The following HEATR5B variants were observed in gnomAD, a reference collection of about 807,000 sequenced individuals.
The protein encoded by HEATR5B is HEAT repeat-containing protein 5B.
Under a neutral mutation model 224.1 loss-of-function variants are expected in HEATR5B, and 156 were observed. The ratio of observed to expected loss-of-function variants is 0.70; its 90% CI spans 0.61 to 0.80. The LOEUF (loss-of-function observed/expected upper bound fraction) is 0.80. HEATR5B is among the 30% of genes least tolerant of loss of function. The probability of loss-of-function intolerance (pLI) is 0.00; values close to 1 mark genes in which losing one functional copy is unlikely to be tolerated. For missense variants in HEATR5B, 2,323 were observed against 2,535.5 expected, an observed-to-expected ratio of 0.92 and a Z score of 1.80; for synonymous variants, 1,027 against 893.0, an observed-to-expected ratio of 1.15 and a Z score of -2.68.
chr2:37,020,078 T>C (rs1668374741), intron 25 of HEATR5B, among the ~76,000 whole-genome samples: 1 of 152,092 alleles, frequency 6.6e-6, no homozygotes, highest in African/African-American at 2.4e-5. Flanking sequence ...CTAATTTTTG[T>C]ATTTTTAGTA....
In HEATR5B at chr2:36,988,859, C is replaced by T; in HGVS notation, c.5698G>A (p.Val1900Ile). ...AGAAGCTGGTAACATTTGGCTTGAA[C>T]CTATATAAGAAGAACATATTATCAA... ...KNALNSCDPW[V>I]QAKCYQLLLS... Residue 1900 changes from valine to isoleucine, a missense_variant and splice_region_variant, in exon 35 of 36, where the codon GTT (valine) becomes ATT (isoleucine). Physicochemically the swap from Val to Ile is conservative, Grantham distance 29. Around this residue, in one of 12 missense-constraint regions of HEATR5B, gnomAD observed 844 missense variants for 812.9 expected, o/e 1.04. Transcript: ENST00000233099. 4.3e-6 allele frequency: 7 copies of T among 1,610,802 alleles called. No homozygotes were observed. The highest frequency in any genetic ancestry group is 5.9e-6 in the Non-Finnish European group (7 of 1,177,086).
chr2:37,002,245 G>C (rs1007183478), intron 32 of HEATR5B, 61 bp downstream of exon 32: 12 of 1,564,514 alleles, frequency 7.7e-6, no homozygotes, highest in Non-Finnish European at 8.8e-6. Context: ...TAAAATCAAA[G>C]GCAAGCTCAT....
At chr2:37,007,656 T>C (rs1667518920) in intron 28 of HEATR5B, among the ~76,000 whole-genome samples, 1 of 152,164 alleles carries the variant, frequency 6.6e-6, no homozygotes, top group Non-Finnish European at 1.5e-5. Context: ...ATTATACATG[T>C]TCGCTCATTT....
chr2:37,076,685 T>C (rs967754864), intron 4 of HEATR5B, among the ~76,000 whole-genome samples: 1 of 146,386 alleles, frequency 6.8e-6, no homozygotes, highest in African/African-American at 2.5e-5. Flanking sequence ...AAAAGTACCA[T>C]AGGACTAAAT....
intron 1 of HEATR5B, 65 bp from the exon 2 acceptor site, chr2:37,083,501 G>A: frequency 8.4e-7 from 1 of 1,191,048 alleles, no homozygotes; most frequent in Non-Finnish European, 1.2e-6. Flanking sequence ...AAGCTTAATG[G>A]AATATACTCA....
rs1488463532 is a variant in HEATR5B at position 37,057,326 on chromosome 2, A to T, written c.2214T>A (p.Ile738=). 1 of 1,601,390 alleles carries T rather than the reference A, an allele frequency of 6.2e-7. No individual in the cohort carries two copies. Among genetic ancestry groups the T allele is most frequent in the Non-Finnish European group, 8.5e-7 (1 of 1,175,702 alleles). The change falls in exon 15 of 36, where the codon ATT becomes ATA. Residue 738 remains isoleucine (I), a synonymous_variant. Transcript: ENST00000233099. ...SWLQETDHKS[I]EDQLQPNSAS... ...CCTCTATGTTTATTACCTGGTCTTC[A>T]ATTGATTTATGATCAGTTTCCTGAA...
intron 30 of HEATR5B, among the ~76,000 whole-genome samples, chr2:37,004,406 T>C (rs1667282264): frequency 6.6e-6 from 1 of 151,214 alleles, no homozygotes; most frequent in Non-Finnish European, 1.5e-5. Flanking sequence ...CTTGTCAGTA[T>C]AATGACAATG....
chr2:37,054,190 CTGT>C lies in HEATR5B; in HGVS notation c.2400-586_2400-584del, dbSNP rs1436020717. Reference sequence around the variant, plus strand: ...TCCATGGCCATCTTAGATGATTTCTCTGTTTTTTTTTTTTTTTTTTTGAGATGG... The same window carrying C: ...TCCATGGCCATCTTAGATGATTTCTCTTTTTTTTTTTTTTTTTTGAGATGG... On this transcript the variant is annotated intron_variant, in intron 16 of 35. Coordinates refer to ENST00000233099, the MANE Select transcript of HEATR5B (RefSeq NM_019024.3). 2.5e-3 allele frequency among the ~76,000 whole-genome samples: 231 copies of C among 93,700 alleles called. 7 individuals are homozygous for C. The highest frequency in any genetic ancestry group is 4.7e-3 in the Admixed American group (43 of 9,168). The allele number at this position is 93,700 out of a possible 152,430, so 61.5% of individuals were successfully genotyped here. A position where few individuals can be genotyped will look rare whatever the true frequency, so the allele number is the denominator to read the frequency against.
chr2:37,077,239 A>G (rs1672290302), intron 3 of HEATR5B, among the ~76,000 whole-genome samples: 1 of 152,200 alleles, frequency 6.6e-6, no homozygotes, highest in Non-Finnish European at 1.5e-5. Flanking sequence ...TATTCTTGTT[A>G]GGAATACAAA....
intron 5 of HEATR5B, 38 bp from the exon 6 acceptor site, chr2:37,072,319 A>G (rs1179032841): frequency 7.0e-7 from 1 of 1,429,470 alleles, no homozygotes; most frequent in Non-Finnish European, 9.7e-7. Context: ...ACATCCTATA[A>G]CATCTGCTTC....
intron 21 of HEATR5B, among the ~76,000 whole-genome samples, chr2:37,035,366 G>T (rs2372913): frequency 1.3e-5 from 2 of 152,068 alleles, no homozygotes; most frequent in African/African-American, 4.8e-5. Context: ...TGCCACAGTC[G>T]TAAGTTATAT....
At chr2:37,028,582 C>A (rs1181274137) in intron 23 of HEATR5B, 99 bp downstream of exon 23, 7 of 866,360 alleles carry the variant, frequency 8.1e-6, no homozygotes, top group South Asian at 2.7e-5. Context: ...TAAATAAAAC[C>A]TATAATTTAC....
At chr2:37,039,815 G>A (rs921991170) in intron 20 of HEATR5B, among the ~76,000 whole-genome samples, 1 of 152,324 alleles carries the variant, frequency 6.6e-6, no homozygotes, top group Admixed American at 6.5e-5. Context: ...GATCATAAAT[G>A]TGCCACTCAT....
chr2:37,056,321 A>T, intron 16 of HEATR5B, 119 bp downstream of exon 16: 2 of 616,700 alleles, frequency 3.2e-6, no homozygotes, highest in Non-Finnish European at 5.3e-6. Context: ...CTGTAAGAGT[A>T]CTGTTTTAAG....
intron 18 of HEATR5B, among the ~76,000 whole-genome samples, chr2:37,042,263 A>AG (rs1443065365): frequency 6.6e-6 from 1 of 152,222 alleles, no homozygotes; most frequent in Non-Finnish European, 1.5e-5. Context: ...GATGAATACG[A>AG]GGGGTCTTCA....
chr2:37,075,372 C>A, intron 5 of HEATR5B, 113 bp downstream of exon 5: 1 of 738,700 alleles, frequency 1.4e-6, no homozygotes, highest in Non-Finnish European at 2.2e-6. Context: ...GAAAATGAAA[C>A]TAATCCATTG....
intron 19 of HEATR5B, chr2:37,040,920 T>C: frequency 2.0e-6 from 1 of 494,234 alleles, no homozygotes; most frequent in Non-Finnish European, 3.5e-6. Flanking sequence ...AGAAAATATG[T>C]TTGAAGGAAT....
At position 37,057,497 on chromosome 2, in the gene HEATR5B, C is replaced by A. The variant is rs1175036864; in HGVS notation, c.2060-17G>T. On this transcript the variant is annotated splice_polypyrimidine_tract_variant and intron_variant, in intron 14 of 35. Transcript: ENST00000233099. Reference sequence around the variant, plus strand: ...TAAAAGATCCTAAAAAACAGAACTTCAGATCAGATTAAAAAGAATAATTTT... The same window carrying A: ...TAAAAGATCCTAAAAAACAGAACTTAAGATCAGATTAAAAAGAATAATTTT... 1 of 1,572,906 alleles carries A rather than the reference C, an allele frequency of 6.4e-7. No individual in the cohort carries two copies. The highest frequency in any genetic ancestry group is 1.9e-5 in the Admixed American group (1 of 52,512).
chr2:37,058,505 C>A lies in HEATR5B; in HGVS notation c.2005G>T (p.Val669Phe), dbSNP rs1671053505. The part of the protein sequence containing the change: ...GAHLKASAAM[V>F]RLRLYDILAL... ...AAGATATCATAAAGTCTTAAACGGACCATTGCAGCACTAGCTTTCAGATGA... is the reference window on the plus strand; with the variant it reads ...AAGATATCATAAAGTCTTAAACGGAACATTGCAGCACTAGCTTTCAGATGA... Residue 669 changes from valine (V) to phenylalanine (F), a missense_variant, in exon 14 of 36, where the codon GTC becomes TTC. Physicochemically the swap from Val to Phe is conservative, Grantham distance 50. Transcript: ENST00000233099. The A allele has an allele frequency of 6.2e-7, 1 of 1,613,302 alleles. No individual in the cohort carries two copies. The highest frequency in any genetic ancestry group is 8.5e-7 in the Non-Finnish European group (1 of 1,179,448).
Sources: gnomAD v4.1 joint callset for allele counts (sites outside exome capture counted in the v4.1 genomes callset) on GRCh38, gnomAD v4.1.1 for gene constraint, gnomAD v4.1.1 regional missense constraint, MANE v1.5 for transcripts, NCBI Gene and HGNC (gene_info 2026-07-23, HGNC 2026-07-21) for gene names.